Variants in KHDRBS2 observed in about 807,000 individuals in gnomAD.
The protein encoded by KHDRBS2 is KH RNA binding domain containing, signal transduction associated 2, also known as KH domain-containing, RNA-binding, signal transduction-associated protein 2.
Under a neutral mutation model 44.3 loss-of-function variants are expected in KHDRBS2, and 26 were observed. The ratio of observed to expected loss-of-function variants is 0.59; its 90% CI spans 0.43 to 0.81. KHDRBS2 has a LOEUF of 0.81. Ranked by LOEUF, KHDRBS2 falls within the 40% of genes least tolerant of loss-of-function variation. KHDRBS2 has a pLI of 0.00. For synonymous variants in KHDRBS2, 194 were observed against 151.1 expected (o/e 1.28, Z -2.08); for missense variants, 476 against 433.1 (o/e 1.10, Z -0.88).
chr6:61,961,509 T>G (rs1243442625), intron 4 of KHDRBS2, among the ~76,000 whole-genome samples: 1 of 151,386 alleles, frequency 6.6e-6, no homozygotes, highest in Admixed American at 6.6e-5. Context: ...GCAAGGGGAA[T>G]GAGGAGTGCT....
At chr6:62,084,033 CA>C (rs745416163) in intron 2 of KHDRBS2, among the ~76,000 whole-genome samples, 2 of 151,860 alleles carry the variant, frequency 1.3e-5, no homozygotes, top group Non-Finnish European at 2.9e-5. Flanking sequence ...ATGATATAAC[CA>C]GATATTTTGT....
At chr6:61,745,599 T>A (rs1284013889) in intron 6 of KHDRBS2, among the ~76,000 whole-genome samples, 1 of 152,154 alleles carries the variant, frequency 6.6e-6, no homozygotes, top group African/African-American at 2.4e-5. Context: ...CAGATAAAAT[T>A]GTTAATGCTG....
chr6:61,599,927 C>G, the KHDRBS2 span, among the ~76,000 whole-genome samples: 1 of 151,818 alleles, frequency 6.6e-6, no homozygotes, highest in African/African-American at 2.4e-5. Flanking sequence ...AATGACTCTA[C>G]GACAAATGAC....
chr6:62,073,526 T>C (rs1283248391), intron 2 of KHDRBS2, among the ~76,000 whole-genome samples: 1 of 126,054 alleles, frequency 7.9e-6, no homozygotes, highest in Non-Finnish European at 1.7e-5. Context: ...TTTTTTTCTT[T>C]TTTCTTTTTT....
chr6:62,209,377 G>A (rs1296872426), intron 1 of KHDRBS2, among the ~76,000 whole-genome samples: 3 of 152,146 alleles, frequency 2.0e-5, no homozygotes, highest in Non-Finnish European at 2.9e-5. Flanking sequence ...TAAAGGAAAT[G>A]AGCTTCATTT....
intron 2 of KHDRBS2, among the ~76,000 whole-genome samples, chr6:62,127,252 A>G (rs1244869337): frequency 6.6e-6 from 1 of 152,178 alleles, no homozygotes; most frequent in East Asian, 1.9e-4. Context: ...AGAGATAGAT[A>G]TTCATAATTC....
At position 61,769,932 on chromosome 6, in the gene KHDRBS2, C is replaced by T. The variant is rs187064133; in HGVS notation, c.811-37168G>A. Reference sequence around the variant, plus strand: ...CCCAAGTAGCCTAACTGGGAGGCACCCCCCAGTAGGGGTGGACTGACACCT... The same window carrying T: ...CCCAAGTAGCCTAACTGGGAGGCACTCCCCAGTAGGGGTGGACTGACACCT... On this transcript the variant is annotated intron_variant, in intron 6 of 8. Transcript: ENST00000281156. 8.4e-3 allele frequency among the ~76,000 whole-genome samples: 1,276 copies of T among 152,292 alleles called. 19 individuals carry two copies. The highest frequency in any genetic ancestry group is 0.029 in the African/African-American group (1,193 of 41,576).
At chr6:62,076,620 T>G (rs1299526747) in intron 2 of KHDRBS2, among the ~76,000 whole-genome samples, 2 of 152,066 alleles carry the variant, frequency 1.3e-5, no homozygotes, top group Admixed American at 1.3e-4. Context: ...TTAAAGGGTC[T>G]TGATGTCATT....
At chr6:62,219,125 C>T (rs548903242) in intron 1 of KHDRBS2, among the ~76,000 whole-genome samples, 73 of 151,746 alleles carry the variant, frequency 4.8e-4, no homozygotes, top group African/African-American at 1.7e-3. Flanking sequence ...AAGGATGTAA[C>T]AAAAGTGCAC....
intron 6 of KHDRBS2, among the ~76,000 whole-genome samples, chr6:61,835,431 A>G (rs1301879301): frequency 6.6e-6 from 1 of 151,998 alleles, no homozygotes; most frequent in East Asian, 1.9e-4. Flanking sequence ...ATAGCGTTTC[A>G]TTTCTTTCTT....
chr6:61,983,199 A>C (rs1309118), intron 3 of KHDRBS2, among the ~76,000 whole-genome samples: 1,704 of 124,470 alleles, frequency 0.014, 85 homozygotes, highest in African/African-American at 0.022. Context: ...AGTTTTTTTC[A>C]TTTTCTTTCT....
At chr6:61,937,600 A>G (rs1261943613) in intron 4 of KHDRBS2, among the ~76,000 whole-genome samples, 1 of 152,000 alleles carries the variant, frequency 6.6e-6, no homozygotes, top group South Asian at 2.1e-4. Context: ...TAGGTCACAC[A>G]CCTATTTGTG....
chr6:62,263,614 A>G (rs982554444), intron 1 of KHDRBS2, among the ~76,000 whole-genome samples: 2 of 151,768 alleles, frequency 1.3e-5, no homozygotes, highest in African/African-American at 4.8e-5. Context: ...TTAACTTTGT[A>G]ACAGGAAAAT....
At chr6:61,867,535 A>G (rs1281617489) in intron 6 of KHDRBS2, among the ~76,000 whole-genome samples, 2 of 152,056 alleles carry the variant, frequency 1.3e-5, no homozygotes, top group Non-Finnish European at 2.9e-5. Flanking sequence ...CGGCACTATG[A>G]CTTTTTGAGT....
At chr6:61,815,462 A>G (rs139279163) in intron 6 of KHDRBS2, among the ~76,000 whole-genome samples, 1 of 152,306 alleles carries the variant, frequency 6.6e-6, no homozygotes, top group East Asian at 1.9e-4. Context: ...ACCCACAAGT[A>G]CAAGGTATGT....
At chr6:61,662,172 T>C in the KHDRBS2 span, among the ~76,000 whole-genome samples, 1 of 152,102 alleles carries the variant, frequency 6.6e-6, no homozygotes, top group Non-Finnish European at 1.5e-5. Context: ...TAATAAATGG[T>C]GCTGGGAAAA....
At chr6:61,762,943 GA>G (rs1440540862) in intron 6 of KHDRBS2, among the ~76,000 whole-genome samples, 18 of 152,144 alleles carry the variant, frequency 1.2e-4, no homozygotes, top group Non-Finnish European at 2.5e-4. Context: ...CAGCAGGAAT[GA>G]GGGGTAGAGA....
intron 2 of KHDRBS2, among the ~76,000 whole-genome samples, chr6:62,153,171 A>G (rs1815594494): frequency 6.6e-6 from 1 of 152,204 alleles, no homozygotes; most frequent in Non-Finnish European, 1.5e-5. Context: ...ATTAATTACC[A>G]TAAACTATGA....
chr6:61,832,876 A>G (rs1240944829), intron 6 of KHDRBS2, among the ~76,000 whole-genome samples: 3 of 152,142 alleles, frequency 2.0e-5, no homozygotes, highest in Non-Finnish European at 4.4e-5. Context: ...AGTCTACAGC[A>G]AAAAAATATA....
Sources: allele counts gnomAD v4.1 joint callset (sites outside exome capture counted in the v4.1 genomes callset), GRCh38; gene constraint gnomAD v4.1.1; transcripts MANE v1.5; gene names NCBI Gene and HGNC (gene_info 2026-07-23, HGNC 2026-07-21).